FNDC1: variants seen among roughly 807,000 people sequenced by gnomAD.
The protein encoded by FNDC1 is fibronectin type III domain containing 1, also known as fibronectin type III domain-containing protein 1.
In FNDC1, 96 loss-of-function variants were observed where a neutral mutation model predicts 168.0. That is an observed-to-expected ratio of 0.57 (90% CI 0.48 to 0.68). FNDC1 has a LOEUF of 0.68. Among genes scored for constraint, FNDC1 ranks in the 30% least tolerant of loss-of-function variants. The pLI is 0.00. For missense variants in FNDC1, 2,587 were observed against 2,482.1 expected (o/e 1.04, Z -0.90); for synonymous variants, 1,099 against 1,025.9 (o/e 1.07, Z -1.36).
At position 159,226,415 on chromosome 6, in the gene FNDC1, T is replaced by C. The variant is rs2114981976; in HGVS notation, c.1073-58T>C. On this transcript the variant is annotated intron_variant, in intron 8 of 22. Coordinates refer to ENST00000297267, the MANE Select transcript of FNDC1 (RefSeq NM_032532.3). Reference sequence around the variant, plus strand: ...GTGTACCTAGAGACCATGTGCTATTTACATCTAGAATGTCCGGTAAGGCAT... The same window carrying C: ...GTGTACCTAGAGACCATGTGCTATTCACATCTAGAATGTCCGGTAAGGCAT... 4 of 1,340,250 alleles carry C rather than the reference T, an allele frequency of 3.0e-6. No homozygotes were observed. In the South Asian group the frequency reaches 5.2e-5, roughly 17 times the overall value. The allele number at this position is 1,340,250 out of a possible 1,614,324, so 83.0% of individuals were successfully genotyped here.
intron 22 of FNDC1, among the ~76,000 whole-genome samples, chr6:159,269,525 TCCATCCATCCATCC>T (rs1777690722): frequency 6.8e-6 from 1 of 147,802 alleles, no homozygotes; most frequent in Non-Finnish European, 1.5e-5. Flanking sequence ...CATCCATCCA[TCCATCCATCCATCC>T]ATCCATCCAT....
chr6:159,256,772 C>A, intron 18 of FNDC1, 141 bp downstream of exon 18: 1 of 664,488 alleles, frequency 1.5e-6, no homozygotes, highest in South Asian at 1.8e-5. Flanking sequence ...AATGTCAATG[C>A]ATGCTTACCA....
intron 22 of FNDC1, among the ~76,000 whole-genome samples, chr6:159,269,016 A>G (rs2115036224): frequency 7.3e-6 from 1 of 136,406 alleles, no homozygotes; most frequent in South Asian, 2.4e-4. Flanking sequence ...CCATCCATCC[A>G]TCCATCCATC....
intron 1 of FNDC1, among the ~76,000 whole-genome samples, chr6:159,173,549 C>A (rs1781704994): frequency 6.6e-6 from 1 of 152,138 alleles, no homozygotes; most frequent in Non-Finnish European, 1.5e-5. Context: ...ACAATTTGCA[C>A]CCCTGGAAAG....
intron 1 of FNDC1, among the ~76,000 whole-genome samples, chr6:159,196,999 A>C (rs1782254707): frequency 6.6e-6 from 1 of 152,180 alleles, no homozygotes; most frequent in Non-Finnish European, 1.5e-5. Context: ...ATTTTTCTTA[A>C]TCAGGACAGT....
rs964431964 is a variant in FNDC1 at position 159,169,720 on chromosome 6, C to G, written c.109+15C>G. On this transcript the variant is annotated intron_variant, in intron 1 of 22. Transcript: ENST00000297267. This position sits in a 1 kb window ranked among gnomAD's most constrained non-coding sequence, Gnocchi z 6.8. ...GGCGGCCTCAGGTACGCGCCGCGCC[C>G]GGGCCCCCGGCGCTCCTCAGCTCCC... The G allele has an allele frequency of 3.7e-6, 4 of 1,075,214 alleles. No individual in the cohort carries two copies. The highest frequency in any genetic ancestry group is 4.6e-6 in the Non-Finnish European group (4 of 867,510). The allele number at this position is 1,075,214 out of a possible 1,614,324, so 66.6% of individuals were successfully genotyped here.
intron 1 of FNDC1, among the ~76,000 whole-genome samples, chr6:159,195,757 G>T (rs1310124071): frequency 2.6e-5 from 4 of 152,238 alleles, no homozygotes; most frequent in Non-Finnish European, 5.9e-5. Flanking sequence ...TGTACTGATT[G>T]AATCACTAGT....
intron 21 of FNDC1, among the ~76,000 whole-genome samples, chr6:159,266,838 C>G (rs1191703432): frequency 6.6e-6 from 1 of 152,042 alleles, no homozygotes; most frequent in Non-Finnish European, 1.5e-5. Context: ...AATATTTGTT[C>G]TGTGTCCTAA....
In FNDC1 at chr6:159,248,360, C is replaced by T. The variant is rs140141459; in HGVS notation, c.4691-679C>T. On this transcript the variant is annotated intron_variant, in intron 15 of 22. Coordinates refer to ENST00000297267, the MANE Select transcript of FNDC1 (RefSeq NM_032532.3). ...CTCGCTCTGTCTCCAGGCTGGAGTG[C>T]GGTGGCGTGATCTTGGCTCACGGCA... 4.6e-3 allele frequency among the ~76,000 whole-genome samples: 703 copies of T among 151,524 alleles called. 10 individuals are homozygous for T. The highest frequency in any genetic ancestry group is 0.016 in the African/African-American group (660 of 41,276).
intron 5 of FNDC1, among the ~76,000 whole-genome samples, chr6:159,216,849 C>G (rs1000480818): frequency 2.0e-5 from 3 of 152,236 alleles, no homozygotes; most frequent in Admixed American, 2.0e-4. Flanking sequence ...AGTACTCAAG[C>G]AAGGAAAAGG....
chr6:159,203,538 C>T (rs996707165), intron 4 of FNDC1, among the ~76,000 whole-genome samples: 2 of 152,166 alleles, frequency 1.3e-5, no homozygotes, highest in African/African-American at 2.4e-5. Flanking sequence ...AGCACGAGGG[C>T]AGCAGTTTTG....
intron 22 of FNDC1, among the ~76,000 whole-genome samples, chr6:159,270,046 C>T (rs375045275): frequency 1.2e-4 from 18 of 152,052 alleles, no homozygotes; most frequent in African/African-American, 3.6e-4. Context: ...AAAAATTATC[C>T]AGGTGTGGTG....
At position 159,271,412 on chromosome 6, in the gene FNDC1, G is replaced by C; in HGVS notation, c.5655G>C (p.Glu1885Asp). ...CCTACTACTATGTGGGCTGGTACGA[G>C]TGTGGGGTCTCCATCCCTGGAAAGT... ...GTPYYYVGWY[E>D]CGVSIPGKW Residue 1885 changes from glutamate (E) to aspartate (D), a missense_variant, in exon 23 of 23, where the codon GAG becomes GAC. Physicochemically the swap from Glu to Asp is conservative, Grantham distance 45. Coordinates refer to ENST00000297267, the MANE Select transcript of FNDC1 (RefSeq NM_032532.3). 6.2e-7 allele frequency: 1 copy of C among 1,611,524 alleles called. No homozygotes were observed. The highest frequency in any genetic ancestry group is 8.5e-7 in the Non-Finnish European group (1 of 1,178,946).
chr6:159,205,428 C>T (rs1302915214), intron 4 of FNDC1, among the ~76,000 whole-genome samples: 1 of 152,174 alleles, frequency 6.6e-6, no homozygotes. Flanking sequence ...AACCTAGTGT[C>T]TTGAGATGGC....
chr6:159,234,365 G>T lies in FNDC1; in HGVS notation c.3853G>T (p.Ala1285Ser). ...THPWPQYTTRAPPGHFSTTPM... is the reference protein window; with the variant it reads ...THPWPQYTTRSPPGHFSTTPM... Reference sequence around the variant, plus strand: ...CCCCTGGCCGCAGTACACCACGCGCGCCCCACCTGGCCACTTCTCCACCAC... The same window carrying T: ...CCCCTGGCCGCAGTACACCACGCGCTCCCCACCTGGCCACTTCTCCACCAC... The change falls in exon 11 of 23, where the codon GCC becomes TCC. Residue 1285 changes from alanine to serine, a missense_variant. Coordinates refer to ENST00000297267, the MANE Select transcript of FNDC1 (RefSeq NM_032532.3). The T allele has an allele frequency of 1.2e-6, 2 of 1,612,230 alleles. No individual in the cohort carries two copies. Among genetic ancestry groups the T allele is most frequent in the Non-Finnish European group, 1.7e-6 (2 of 1,179,258 alleles).
intron 14 of FNDC1, 76 bp from the exon 15 acceptor site, chr6:159,246,825 C>A: frequency 9.9e-7 from 1 of 1,015,210 alleles, no homozygotes; most frequent in South Asian, 1.3e-5. Flanking sequence ...TGAATTGTCA[C>A]GCTCTGGGGC....
intron 21 of FNDC1, among the ~76,000 whole-genome samples, chr6:159,267,365 G>A (rs977947909): frequency 6.6e-6 from 1 of 152,168 alleles, no homozygotes; most frequent in Non-Finnish European, 1.5e-5. Context: ...CATGGCTCAG[G>A]ACCATGGACA....
chr6:159,265,551 G>A (rs1020948587), intron 20 of FNDC1, among the ~76,000 whole-genome samples: 2 of 152,104 alleles, frequency 1.3e-5, no homozygotes, highest in Non-Finnish European at 2.9e-5. Flanking sequence ...CTTTAAATAC[G>A]TTCAGGTAAA....
intron 4 of FNDC1, among the ~76,000 whole-genome samples, chr6:159,203,990 G>A (rs1274339451): frequency 2.0e-5 from 3 of 152,192 alleles, no homozygotes; most frequent in Non-Finnish European, 2.9e-5. Flanking sequence ...CAAGTCCTCT[G>A]TGCTTTTCTC....
Sources: gnomAD v4.1 joint callset for allele counts (sites outside exome capture counted in the v4.1 genomes callset) on GRCh38, gnomAD v4.1.1 for gene constraint, Gnocchi (gnomAD v3.1) non-coding constraint, MANE v1.5 for transcripts, NCBI Gene and HGNC (gene_info 2026-07-23, HGNC 2026-07-21) for gene names.